The following CA10 variants were observed in gnomAD, a reference collection of about 807,000 sequenced individuals.
The protein encoded by CA10 is carbonic anhydrase 10 (inactive), also known as carbonic anhydrase-related protein 10.
Under a neutral mutation model 44.2 loss-of-function variants are expected in CA10, and 14 were observed. The observed-to-expected ratio is 0.32, with a 90% CI of 0.21 to 0.50. CA10 has a LOEUF of 0.50. CA10 is among the 20% of genes least tolerant of loss of function. The probability of loss-of-function intolerance (pLI) is 0.99; values close to 1 mark genes in which losing one functional copy is unlikely to be tolerated. For missense variants in CA10, 350 were observed against 409.7 expected, an observed-to-expected ratio of 0.85 and a Z score of 1.26; for synonymous variants, 159 against 141.6, an observed-to-expected ratio of 1.12 and a Z score of -0.87.
chr17:51,989,903 G>A (rs745393212), intron 2 of CA10, among the ~76,000 whole-genome samples: 3 of 152,012 alleles, frequency 2.0e-5, no homozygotes, highest in African/African-American at 4.8e-5. Context: ...TGGTTACTGC[G>A]TGCTAATGCT....
intron 4 of CA10, among the ~76,000 whole-genome samples, chr17:51,707,246 G>A (rs1915789437): frequency 6.6e-6 from 1 of 152,036 alleles, no homozygotes; most frequent in Admixed American, 6.6e-5. Context: ...GGTTAGTGTG[G>A]GCCAGGCTCC....
At chr17:52,138,430 G>A (rs1004569941) in intron 1 of CA10, among the ~76,000 whole-genome samples, 19 of 152,168 alleles carry the variant, frequency 1.2e-4, no homozygotes, top group African/African-American at 4.6e-4. Context: ...ATCTTTGGGA[G>A]GCTATTCTTC....
chr17:51,916,855 A>C (rs1351120150), intron 3 of CA10, among the ~76,000 whole-genome samples: 1 of 152,186 alleles, frequency 6.6e-6, no homozygotes, highest in African/African-American at 2.4e-5. Flanking sequence ...GGGCACAGGC[A>C]GTTCCGTTGG....
chr17:51,853,551 T>C (rs1208103046), intron 3 of CA10, among the ~76,000 whole-genome samples: 1 of 152,248 alleles, frequency 6.6e-6, no homozygotes, highest in Non-Finnish European at 1.5e-5. Flanking sequence ...CACCTCTTGG[T>C]GCATTTACTC....
intron 2 of CA10, among the ~76,000 whole-genome samples, chr17:52,057,491 T>C (rs565559617): frequency 3.3e-5 from 5 of 152,250 alleles, no homozygotes; most frequent in Admixed American, 2.0e-4. Context: ...AATAAATATA[T>C]AAAATACGTG....
intron 3 of CA10, among the ~76,000 whole-genome samples, chr17:51,895,056 T>G (rs992571285): frequency 4.6e-5 from 7 of 152,208 alleles, no homozygotes; most frequent in Admixed American, 1.3e-4. Context: ...TGAATTATTA[T>G]TCTCATCACT....
chr17:51,923,676 T>C (rs551747959), intron 3 of CA10, among the ~76,000 whole-genome samples: 3 of 152,236 alleles, frequency 2.0e-5, no homozygotes, highest in African/African-American at 7.2e-5. Flanking sequence ...AATAGAGAAG[T>C]GATAAGATTT....
intron 2 of CA10, among the ~76,000 whole-genome samples, chr17:51,967,740 C>T (rs1226930097): frequency 6.6e-6 from 1 of 151,618 alleles, no homozygotes; most frequent in Non-Finnish European, 1.5e-5. Context: ...CAGGTCCTAC[C>T]TTGGTGACAG....
intron 3 of CA10, among the ~76,000 whole-genome samples, chr17:51,748,958 C>A (rs942052023): frequency 2.6e-5 from 4 of 152,158 alleles, no homozygotes; most frequent in African/African-American, 9.7e-5. Flanking sequence ...TTTCCTGCCA[C>A]CTTACTGTAG....
At chr17:52,008,452 G>A (rs1029450897) in intron 2 of CA10, among the ~76,000 whole-genome samples, 3 of 151,762 alleles carry the variant, frequency 2.0e-5, no homozygotes, top group Non-Finnish European at 4.4e-5. Context: ...ATTGTCTTTT[G>A]GAGGGAACAG....
At chr17:51,791,494 T>C (rs1219673958) in intron 3 of CA10, among the ~76,000 whole-genome samples, 2 of 152,244 alleles carry the variant, frequency 1.3e-5, no homozygotes, top group African/African-American at 4.8e-5. Flanking sequence ...TTGCAAGTGC[T>C]AGACTTGGTA....
intron 4 of CA10, among the ~76,000 whole-genome samples, chr17:51,690,394 G>A (rs1044314907): frequency 6.6e-6 from 1 of 152,110 alleles, no homozygotes; most frequent in Non-Finnish European, 1.5e-5. Context: ...CCAGCCTCTG[G>A]TAGCCAACAT....
intron 1 of CA10, among the ~76,000 whole-genome samples, chr17:52,108,211 T>TA: frequency 8.8e-6 from 1 of 113,626 alleles, no homozygotes; most frequent in East Asian, 2.7e-4. Flanking sequence ...TATATATATA[T>TA]ATATATATAT....
At chr17:51,877,234 G>A (rs1428318795) in intron 3 of CA10, among the ~76,000 whole-genome samples, 3 of 152,346 alleles carry the variant, frequency 2.0e-5, no homozygotes, top group South Asian at 4.1e-4. Flanking sequence ...TGACATGGAA[G>A]AGAGTACCCT....
At chr17:51,730,446 G>A (rs1380628588) in intron 4 of CA10, among the ~76,000 whole-genome samples, 1 of 152,154 alleles carries the variant, frequency 6.6e-6, no homozygotes, top group Non-Finnish European at 1.5e-5. Flanking sequence ...TCATAGAAAT[G>A]TTTTGTAAAT....
At chr17:51,741,538 T>C (rs1904459126) in intron 4 of CA10, among the ~76,000 whole-genome samples, 1 of 152,182 alleles carries the variant, frequency 6.6e-6, no homozygotes, top group African/African-American at 2.4e-5. Flanking sequence ...GGAGGCAACA[T>C]ACTTTAGAAT....
chr17:51,723,862 C>T (rs1916433703), intron 4 of CA10, among the ~76,000 whole-genome samples: 1 of 152,198 alleles, frequency 6.6e-6, no homozygotes, highest in Non-Finnish European at 1.5e-5. Flanking sequence ...GCCTTGCACT[C>T]ATTAGCTGGG....
chr17:52,084,975 T>C (rs75380339), intron 1 of CA10, among the ~76,000 whole-genome samples: 2,498 of 152,286 alleles, frequency 0.016, 59 homozygotes, highest in South Asian at 0.12. Context: ...ATAGCTAGAC[T>C]TCAAATAGCC....
intron 1 of CA10, among the ~76,000 whole-genome samples, chr17:52,155,954 G>A (rs1224092963): frequency 6.6e-6 from 1 of 151,912 alleles, no homozygotes; most frequent in Non-Finnish European, 1.5e-5. Context: ...TGCTTTTTTT[G>A]GAGGCTAAGA....
Sources: gnomAD v4.1 joint callset for allele counts (sites outside exome capture counted in the v4.1 genomes callset) on GRCh38, gnomAD v4.1.1 for gene constraint, MANE v1.5 for transcripts, NCBI Gene and HGNC (gene_info 2026-07-23, HGNC 2026-07-21) for gene names.